The following AP2B1 variants were observed in gnomAD, a reference collection of about 807,000 sequenced individuals.
AP2B1 encodes adaptor related protein complex 2 subunit beta 1.
Under a neutral mutation model 102.0 loss-of-function variants are expected in AP2B1, and 23 were observed. The ratio of observed to expected loss-of-function variants is 0.23; its 90% confidence interval spans 0.16 to 0.32. The LOEUF (loss-of-function observed/expected upper bound fraction) is 0.32. Ranked by LOEUF, AP2B1 falls within the 10% of genes least tolerant of loss-of-function variation. The pLI, the probability that AP2B1 is intolerant of heterozygous loss-of-function variation, is 1.00. For synonymous variants in AP2B1, 381 were observed against 421.2 expected (o/e 0.90, Z 1.17); for missense variants, 541 against 1,157.4 (o/e 0.47, Z 7.73).
chr17:35,599,366 A>G (rs188404236), intron 3 of AP2B1, among the ~76,000 whole-genome samples: 1 of 152,244 alleles, frequency 6.6e-6, no homozygotes, highest in Admixed American at 6.5e-5. Flanking sequence ...TTGACAATGG[A>G]TACGTTTCAG....
At chr17:35,594,909 G>A (rs1225130311) in intron 2 of AP2B1, among the ~76,000 whole-genome samples, 1 of 152,196 alleles carries the variant, frequency 6.6e-6, no homozygotes, top group Admixed American at 6.5e-5. Flanking sequence ...GAAATGTGGA[G>A]GGTCTTCCCA....
At chr17:35,676,671 A>G (rs562188824) in intron 17 of AP2B1, among the ~76,000 whole-genome samples, 1 of 152,334 alleles carries the variant, frequency 6.6e-6, no homozygotes, top group South Asian at 2.1e-4. Flanking sequence ...AGAATTCCAG[A>G]TATTCCACAT....
chr17:35,705,163 T>G (rs1269279242), intron 18 of AP2B1, among the ~76,000 whole-genome samples: 2 of 152,226 alleles, frequency 1.3e-5, no homozygotes, highest in East Asian at 3.8e-4. Context: ...TGGAGTCAGA[T>G]CTGGGGAAGC....
At chr17:35,624,695 A>G in intron 6 of AP2B1, 108 bp downstream of exon 6, 5 of 944,114 alleles carry the variant, frequency 5.3e-6, no homozygotes, top group Non-Finnish European at 7.8e-6. Context: ...CTTCTGGGGT[A>G]GATATTGCTA....
intron 18 of AP2B1, among the ~76,000 whole-genome samples, chr17:35,692,876 G>A (rs2076066547): frequency 6.6e-6 from 1 of 152,074 alleles, no homozygotes; most frequent in African/African-American, 2.4e-5. Context: ...CTCTTTCTTG[G>A]CAGTGATGGG....
At chr17:35,620,523 C>T (rs906346040) in intron 5 of AP2B1, among the ~76,000 whole-genome samples, 2 of 151,944 alleles carry the variant, frequency 1.3e-5, no homozygotes, top group African/African-American at 4.8e-5. Context: ...CTCTAGAAAC[C>T]CCCCTTTTTG....
At chr17:35,627,288 G>A in intron 7 of AP2B1, 97 bp from the exon 8 acceptor site, 1 of 808,616 alleles carries the variant, frequency 1.2e-6, no homozygotes, top group Non-Finnish European at 1.8e-6. Flanking sequence ...GGAGCGAGAG[G>A]AGAGCAGAGA....
intron 18 of AP2B1, among the ~76,000 whole-genome samples, chr17:35,693,293 A>C (rs1420859266): frequency 1.3e-5 from 2 of 152,160 alleles, no homozygotes; most frequent in African/African-American, 2.4e-5. Context: ...GAGTGCTGGA[A>C]TTACAGGCGT....
At chr17:35,710,149 CA>C (rs1598345756) in intron 19 of AP2B1, 84 bp from the exon 20 acceptor site, 2 of 964,896 alleles carry the variant, frequency 2.1e-6, no homozygotes, top group East Asian at 2.5e-5. Flanking sequence ...GCCAGCATGC[CA>C]AAGGAAAAAT....
Position 35,627,510 on chromosome 17 carries a change from G to A in AP2B1, c.1059+5G>A, listed in dbSNP as rs895096445. 1.2e-6 allele frequency: 2 copies of A among 1,614,042 alleles called. No individual in the cohort carries two copies. The highest frequency in any genetic ancestry group is 1.7e-6 in the Non-Finnish European group (2 of 1,179,986). On this transcript the variant is annotated splice_donor_5th_base_variant and intron_variant, in intron 8 of 21. Coordinates refer to ENST00000610402, the MANE Select transcript of AP2B1 (RefSeq NM_001030006.2). ...TCTCAAGCCAACATTGCTCAGGTCA[G>A]ACTTTATGCAGACTCAAGTTGATGA...
rs1017318040 is a variant in AP2B1 at position 35,653,590 on chromosome 17, C to T, written c.1796+2801C>T. 6.6e-5 allele frequency among the ~76,000 whole-genome samples: 10 copies of T among 152,204 alleles called. No individual in the cohort carries two copies. The East Asian group carries it at 7.7e-4, about 12-fold the overall frequency. ...CTAGGTTCAAGAGGTTCTCCTGCTA[C>T]AGTCTCCTGAGTAGCTGGGACTACA... On this transcript the variant is annotated intron_variant, in intron 13 of 21. Transcript: ENST00000610402.
intron 7 of AP2B1, 127 bp from the exon 8 acceptor site, chr17:35,627,245 CTTTTTTTTTTTTT>C (rs569701571): frequency 2.2e-5 from 4 of 178,474 alleles, no homozygotes; most frequent in African/African-American, 8.7e-5. Flanking sequence ...GAAGTTTATG[CTTTTTTTTTTTTT>C]TTTTTTTTTT....
intron 21 of AP2B1, among the ~76,000 whole-genome samples, chr17:35,718,684 T>C (rs2085260562): frequency 6.6e-6 from 1 of 151,428 alleles, no homozygotes; most frequent in Non-Finnish European, 1.5e-5. Context: ...CTTGTCTCAA[T>C]TGGAAGAAAA....
chr17:35,693,947 A>C (rs2076089766), intron 18 of AP2B1, among the ~76,000 whole-genome samples: 1 of 152,256 alleles, frequency 6.6e-6, no homozygotes, highest in African/African-American at 2.4e-5. Flanking sequence ...CAGGCAGAAC[A>C]TAGGCATAAC....
At chr17:35,701,155 G>A (rs1049531515) in intron 18 of AP2B1, among the ~76,000 whole-genome samples, 30 of 95,730 alleles carry the variant, frequency 3.1e-4, no homozygotes, top group Admixed American at 1.7e-3. Context: ...AGTAAGAAAT[G>A]TATTTTACAT....
At chr17:35,715,511 T>G (rs2076534825) in intron 20 of AP2B1, among the ~76,000 whole-genome samples, 1 of 152,194 alleles carries the variant, frequency 6.6e-6, no homozygotes, top group South Asian at 2.1e-4. Context: ...GGCAAGGGCC[T>G]AGAAAGTTAG....
At chr17:35,670,192 T>C (rs997833461) in intron 14 of AP2B1, among the ~76,000 whole-genome samples, 1 of 152,224 alleles carries the variant, frequency 6.6e-6, no homozygotes, top group Non-Finnish European at 1.5e-5. Flanking sequence ...TTCTCCTTAG[T>C]AGAATTGACT....
chr17:35,698,477 T>C (rs956783251), intron 18 of AP2B1, among the ~76,000 whole-genome samples: 2 of 152,076 alleles, frequency 1.3e-5, no homozygotes, highest in African/African-American at 4.8e-5. Context: ...GCCTGGCTAA[T>C]TTTTTATTTT....
intron 1 of AP2B1, among the ~76,000 whole-genome samples, chr17:35,589,493 G>A (rs12945419): frequency 0.01 from 1,583 of 152,264 alleles, 27 homozygotes; most frequent in African/African-American, 0.036. Context: ...TTGCTGCTCA[G>A]TTTCTCTTTT....
Sources: gnomAD v4.1 joint callset for allele counts (sites outside exome capture counted in the v4.1 genomes callset) on GRCh38, gnomAD v4.1.1 for gene constraint, MANE v1.5 for transcripts, NCBI Gene and HGNC (gene_info 2026-07-23, HGNC 2026-07-21) for gene names.